SSUH2: variants seen among roughly 807,000 people sequenced by gnomAD.
SSUH2 encodes protein SSUH2 homolog.
In SSUH2, 47 loss-of-function variants were observed where a neutral mutation model predicts 55.3. The observed-to-expected ratio is 0.85, with a 90% confidence interval of 0.67 to 1.08. SSUH2 has a LOEUF of 1.08. Among genes scored for constraint, SSUH2 ranks in the 50% least tolerant of loss-of-function variants. The probability of loss-of-function intolerance (pLI) is 0.00; values close to 1 mark genes in which losing one functional copy is unlikely to be tolerated. For missense variants in SSUH2, 535 were observed against 490.7 expected (o/e 1.09, Z -0.85); for synonymous variants, 212 against 191.5 (o/e 1.11, Z -0.89).
intron 1 of SSUH2, among the ~76,000 whole-genome samples, chr3:8,681,549 TG>T (rs1164650112): frequency 1.5e-5 from 2 of 133,302 alleles, no homozygotes; most frequent in Non-Finnish European, 3.2e-5. Context: ...CGGACCCCCA[TG>T]GGGGGCGGGA....
intron 7 of SSUH2, 31 bp downstream of exon 7, chr3:8,629,633 C>CTTACTCACCAGTGGTTCACAGA (rs1553567088): frequency 6.9e-6 from 11 of 1,587,708 alleles, no homozygotes; most frequent in East Asian, 2.2e-5. Context: ...CACACCCTCA[C>CTTACTCACCAGTGGTTCACAGA]TGACTCACCA....
chr3:8,649,702 C>A (rs1413676266), upstream of SSUH2, among the ~76,000 whole-genome samples: 2 of 152,052 alleles, frequency 1.3e-5, no homozygotes, highest in African/African-American at 4.8e-5. Flanking sequence ...TGCTCCCACT[C>A]GTGCCTGAGC....
At chr3:8,668,540 T>C (rs1288532019) in intron 5 of SSUH2, among the ~76,000 whole-genome samples, 20 of 152,220 alleles carry the variant, frequency 1.3e-4, no homozygotes, top group Admixed American at 1.3e-3. Flanking sequence ...TCAACTATGC[T>C]TCAAAGACAT....
At chr3:8,620,577 C>T (rs911152435) in intron 11 of SSUH2, among the ~76,000 whole-genome samples, 1 of 152,166 alleles carries the variant, frequency 6.6e-6, no homozygotes, top group African/African-American at 2.4e-5. Flanking sequence ...CTTCACGCAC[C>T]CTAAGCTCTG....
intron 7 of SSUH2, among the ~76,000 whole-genome samples, chr3:8,628,518 C>T (rs1698071392): frequency 6.6e-6 from 1 of 152,158 alleles, no homozygotes; most frequent in Non-Finnish European, 1.5e-5. Flanking sequence ...CAGAGTGGGA[C>T]CTCATTTAGA....
chr3:8,629,614 C>G (rs1437927896), intron 7 of SSUH2, 50 bp downstream of exon 7: 3 of 680,212 alleles, frequency 4.4e-6, no homozygotes, highest in Non-Finnish European at 6.7e-6. Flanking sequence ...CCCAGGATCC[C>G]CCGGCCACCA....
intron 4 of SSUH2, among the ~76,000 whole-genome samples, chr3:8,633,456 G>A (rs555552756): frequency 1.8e-4 from 27 of 152,242 alleles, no homozygotes; most frequent in African/African-American, 5.1e-4. Context: ...CGCCGCACCC[G>A]GCCTGACACT....
chr3:8,657,588 G>A (rs1350817713), intron 7 of SSUH2, among the ~76,000 whole-genome samples: 2 of 152,286 alleles, frequency 1.3e-5, no homozygotes, highest in East Asian at 1.9e-4. Context: ...CTGCCTGGAG[G>A]AGGCGAGGCT....
intron 7 of SSUH2, among the ~76,000 whole-genome samples, chr3:8,656,577 G>A (rs1218231475): frequency 1.3e-5 from 2 of 152,304 alleles, no homozygotes; most frequent in East Asian, 3.9e-4. Flanking sequence ...CTGGGGACAC[G>A]ACGGGGAGCG....
chr3:8,679,090 GCA>G (rs1358797184), intron 2 of SSUH2, among the ~76,000 whole-genome samples: 6 of 104,532 alleles, frequency 5.7e-5, no homozygotes, highest in African/African-American at 2.0e-4. Context: ...CTGAGAGCAA[GCA>G]CCTCTTTCCC....
chr3:8,657,960 C>T (rs1412322295), intron 7 of SSUH2, among the ~76,000 whole-genome samples: 1 of 152,272 alleles, frequency 6.6e-6, no homozygotes, highest in Non-Finnish European at 1.5e-5. Context: ...AGGCACCCTT[C>T]TCCCCACGAC....
intron 5 of SSUH2, among the ~76,000 whole-genome samples, chr3:8,666,364 A>C (rs894859830): frequency 6.6e-6 from 1 of 152,198 alleles, no homozygotes; most frequent in African/African-American, 2.4e-5. Flanking sequence ...TATATTCAAA[A>C]GTTCAAATGT....
intron 6 of SSUH2, among the ~76,000 whole-genome samples, chr3:8,662,544 C>T (rs1179579327): frequency 8.5e-5 from 13 of 152,064 alleles, no homozygotes; most frequent in Admixed American, 7.9e-4. Flanking sequence ...AAGTATACAG[C>T]GAGTGCTATG....
chr3:8,621,927 C>T (rs1696526803), intron 11 of SSUH2, among the ~76,000 whole-genome samples: 1 of 151,852 alleles, frequency 6.6e-6, no homozygotes, highest in Non-Finnish European at 1.5e-5. Context: ...ACCAGCCCCC[C>T]CACAACCCCC....
At chr3:8,672,655 T>C (rs777435014) in intron 3 of SSUH2, among the ~76,000 whole-genome samples, 1 of 152,026 alleles carries the variant, frequency 6.6e-6, no homozygotes, top group African/African-American at 2.4e-5. Context: ...CTAGGAACAA[T>C]ATCAGAAGGT....
At chr3:8,659,865 GA>G in intron 6 of SSUH2, 1 of 451,070 alleles carries the variant, frequency 2.2e-6, no homozygotes, top group Non-Finnish European at 4.5e-6. Flanking sequence ...AAATGCTATG[GA>G]AAGTGGCATG....
At chr3:8,627,044 A>T (rs947082000) in intron 8 of SSUH2, 2 of 152,258 alleles carry the variant, frequency 1.3e-5, no homozygotes, top group African/African-American at 2.4e-5. Flanking sequence ...GGAAGGTGCC[A>T]CCAAAGCTTC....
chr3:8,651,129 T>C (rs1369326381), intron 7 of SSUH2, among the ~76,000 whole-genome samples: 1 of 152,254 alleles, frequency 6.6e-6, no homozygotes, highest in Non-Finnish European at 1.5e-5. Context: ...AAAAGGCCAG[T>C]CTGTTTGGTC....
chr3:8,644,690 C>G (rs763163666), intron 1 of SSUH2, 41 bp downstream of exon 1: 2 of 1,525,364 alleles, frequency 1.3e-6, no homozygotes, highest in South Asian at 2.4e-5. Context: ...GCTAAAATAT[C>G]TCCACACAGT....
Sources: gnomAD v4.1 joint callset for allele counts (sites outside exome capture counted in the v4.1 genomes callset) on GRCh38, gnomAD v4.1.1 for gene constraint, MANE v1.5 for transcripts, NCBI Gene and HGNC (gene_info 2026-07-23, HGNC 2026-07-21) for gene names.